The following C2CD3 variants were observed in gnomAD, a reference collection of about 807,000 sequenced individuals.
C2CD3 encodes the protein C2 domain-containing protein 3.
In C2CD3, 148 loss-of-function variants were observed where a neutral mutation model predicts 234.0. The ratio of observed to expected loss-of-function variants is 0.63; its 90% CI spans 0.55 to 0.72. The LOEUF is 0.72. C2CD3 is among the 30% of genes least tolerant of loss of function. The pLI is 0.00. For synonymous variants in C2CD3, 1,000 were observed against 1,035.4 expected (o/e 0.97, Z 0.66); for missense variants, 2,577 against 2,811.5 (o/e 0.92, Z 1.89).
intron 3 of C2CD3, among the ~76,000 whole-genome samples, chr11:74,148,512 T>C (rs1855372713): frequency 6.6e-6 from 1 of 151,882 alleles, no homozygotes; most frequent in Admixed American, 6.6e-5. Context: ...AGCATAAGTT[T>C]GATACTTTTG....
At chr11:74,112,514 G>C (rs61901235) in intron 11 of C2CD3, among the ~76,000 whole-genome samples, 1 of 151,780 alleles carries the variant, frequency 6.6e-6, no homozygotes, top group Non-Finnish European at 1.5e-5. Context: ...GAGAGTGAAA[G>C]GACAACCCAC....
chr11:74,060,158 G>C (rs1313204483), intron 24 of C2CD3, among the ~76,000 whole-genome samples: 1 of 152,212 alleles, frequency 6.6e-6, no homozygotes, highest in African/African-American at 2.4e-5. Flanking sequence ...GCTCAAGGAG[G>C]CTTGCCTGCC....
intron 24 of C2CD3, among the ~76,000 whole-genome samples, chr11:74,069,461 T>C (rs1297859150): frequency 1.3e-5 from 2 of 152,224 alleles, no homozygotes; most frequent in African/African-American, 4.8e-5. Context: ...AAAGGTGTAA[T>C]TGTTTCAGTG....
At chr11:74,164,367 A>T in intron 2 of C2CD3, 1 of 306,534 alleles carries the variant, frequency 3.3e-6, no homozygotes, top group Non-Finnish European at 4.8e-6. Flanking sequence ...TAAAACGTAA[A>T]GGAAGAAAGA....
chr11:74,115,238 ATATACACACACT>A (rs1392475540), intron 9 of C2CD3, among the ~76,000 whole-genome samples: 1 of 152,012 alleles, frequency 6.6e-6, no homozygotes, highest in South Asian at 2.1e-4. Flanking sequence ...ACATACATAT[ATATACACACACT>A]TATACACACA....
intron 24 of C2CD3, among the ~76,000 whole-genome samples, chr11:74,066,697 TA>T (rs1218092659): frequency 2.0e-5 from 3 of 152,142 alleles, no homozygotes; most frequent in African/African-American, 4.8e-5. Flanking sequence ...ATTACACAAT[TA>T]AACTTGAATG....
At chr11:74,064,611 C>T (rs1049187483) in intron 24 of C2CD3, among the ~76,000 whole-genome samples, 1 of 152,186 alleles carries the variant, frequency 6.6e-6, no homozygotes, top group African/African-American at 2.4e-5. Context: ...CCCGCATTGC[C>T]AAGACAATCC....
intron 1 of C2CD3, among the ~76,000 whole-genome samples, chr11:74,170,511 G>A (rs528754326): frequency 6.6e-6 from 1 of 152,238 alleles, no homozygotes; most frequent in South Asian, 2.1e-4. Flanking sequence ...CATCCTACCG[G>A]TAACCTTCAT....
At position 74,114,433 on chromosome 11, in the gene C2CD3, T is replaced by G; in HGVS notation, c.1681A>C (p.Lys561Gln). ...PPDSPQMTPG[K>Q]KSYAGPPPKV... ...GGTGGTGGACCAGCATAGCTTTTTTTGCCAGGGGTCATCTGAGGACTATCT... is the reference window on the plus strand; with the variant it reads ...GGTGGTGGACCAGCATAGCTTTTTTGGCCAGGGGTCATCTGAGGACTATCT... Residue 561 changes from lysine (K) to glutamine (Q), a missense_variant, in exon 10 of 33, where the codon AAA (lysine) becomes CAA (glutamine). Lys to Gln is a moderately conservative substitution (Grantham distance 53). Coordinates refer to ENST00000334126, the MANE Select transcript of C2CD3 (RefSeq NM_001286577.2). 6.2e-7 allele frequency: 1 copy of G among 1,614,122 alleles called. No homozygotes were observed. The highest frequency in any genetic ancestry group is 1.1e-5 in the South Asian group (1 of 91,086).
chr11:74,145,902 CA>C (rs1369397769), intron 3 of C2CD3, among the ~76,000 whole-genome samples: 1 of 152,164 alleles, frequency 6.6e-6, no homozygotes, highest in African/African-American at 2.4e-5. Context: ...TCCTGAATTG[CA>C]ATTCTTGCTT....
At chr11:74,076,479 C>T (rs1234891875) in intron 23 of C2CD3, among the ~76,000 whole-genome samples, 3 of 152,218 alleles carry the variant, frequency 2.0e-5, no homozygotes, top group African/African-American at 4.8e-5. Context: ...ATCTTAACTA[C>T]AGTCACTAGC....
At chr11:74,044,052 A>G (rs1953224006) in intron 28 of C2CD3, among the ~76,000 whole-genome samples, 1 of 151,968 alleles carries the variant, frequency 6.6e-6, no homozygotes. Flanking sequence ...AAAAATAATA[A>G]CATGGTCTTG....
intron 19 of C2CD3, 100 bp from the exon 20 acceptor site, chr11:74,091,036 T>A: frequency 8.4e-7 from 1 of 1,189,416 alleles, no homozygotes; most frequent in Non-Finnish European, 1.2e-6. Context: ...GGATTAACAC[T>A]ACAACGAACA....
chr11:74,090,885 C>G lies in C2CD3; in HGVS notation c.3569G>C (p.Gly1190Ala). The part of the protein sequence containing the change: ...RYRRSPRTAE[G>A]VLAARTVSIS... ...GGAAACAGTTCGGGCAGCAAGAACT[C>G]CCTCTGCTGTTCTTGGACTACGCCT... The change falls in exon 20 of 33, where the codon GGA becomes GCA. Residue 1190 changes from glycine to alanine, a missense_variant. By Grantham distance (60) the Gly-to-Ala change is moderately conservative. Transcript: ENST00000334126. 1 of 1,613,848 alleles carries G rather than the reference C, an allele frequency of 6.2e-7. No individual in the cohort carries two copies. Among genetic ancestry groups the G allele is most frequent in the Non-Finnish European group, 8.5e-7 (1 of 1,179,766 alleles).
intron 2 of C2CD3, among the ~76,000 whole-genome samples, chr11:74,165,234 T>G (rs1207838844): frequency 6.6e-6 from 1 of 152,184 alleles, no homozygotes; most frequent in South Asian, 2.1e-4. Context: ...ATAATCGTTC[T>G]TACTACCTCT....
At chr11:74,168,093 G>A in intron 2 of C2CD3, 1 of 395,886 alleles carries the variant, frequency 2.5e-6, no homozygotes, top group South Asian at 3.8e-5. Flanking sequence ...TTGTTTAATT[G>A]TCTATAAAAC....
intron 24 of C2CD3, among the ~76,000 whole-genome samples, chr11:74,062,601 A>C (rs907263066): frequency 6.6e-6 from 1 of 152,160 alleles, no homozygotes; most frequent in African/African-American, 2.4e-5. Context: ...AACATACCAG[A>C]ATCTCTGGGA....
chr11:74,047,473 T>A (rs1245557097), intron 28 of C2CD3, among the ~76,000 whole-genome samples: 4 of 152,256 alleles, frequency 2.6e-5, no homozygotes. Flanking sequence ...GACAGATACA[T>A]AGCTCTCTTT....
At chr11:74,037,425 G>T in intron 30 of C2CD3, 53 bp downstream of exon 30, 2 of 1,386,156 alleles carry the variant, frequency 1.4e-6, no homozygotes, top group Non-Finnish European at 2.1e-6. Context: ...AATGCTTTTT[G>T]AATTAGCACC....
Sources: allele counts gnomAD v4.1 joint callset (sites outside exome capture counted in the v4.1 genomes callset), GRCh38; gene constraint gnomAD v4.1.1; transcripts MANE v1.5; gene names NCBI Gene and HGNC (gene_info 2026-07-23, HGNC 2026-07-21).